The following HIKESHI variants were observed in gnomAD, a reference collection of about 807,000 sequenced individuals.
HIKESHI encodes the protein heat shock protein nuclear import factor hikeshi.
Under a neutral mutation model 25.7 loss-of-function variants are expected in HIKESHI, and 13 were observed. That is an observed-to-expected ratio of 0.51 (90% CI 0.33 to 0.80). The LOEUF is 0.80. Among genes scored for constraint, HIKESHI ranks in the 30% least tolerant of loss-of-function variants. HIKESHI has a pLI of 0.02. For synonymous variants in HIKESHI, 76 were observed against 78.7 expected, an observed-to-expected ratio of 0.97 and a Z score of 0.18; for missense variants, 174 against 229.5, an observed-to-expected ratio of 0.76 and a Z score of 1.56.
intron 2 of HIKESHI, among the ~76,000 whole-genome samples, chr11:86,322,129 G>C (rs950472679): frequency 2.0e-5 from 3 of 151,950 alleles, no homozygotes; most frequent in Non-Finnish European, 4.4e-5. Context: ...TGGGATTACA[G>C]GTGAGCACCG....
At chr11:86,318,042 C>T (rs1441138211) in intron 2 of HIKESHI, among the ~76,000 whole-genome samples, 3 of 151,824 alleles carry the variant, frequency 2.0e-5, no homozygotes, top group Non-Finnish European at 4.4e-5. Context: ...CAGTGGCTCA[C>T]GCCTGTAATC....
chr11:86,334,015 T>G (rs1170797568), intron 2 of HIKESHI, among the ~76,000 whole-genome samples: 1 of 152,296 alleles, frequency 6.6e-6, no homozygotes, highest in East Asian at 1.9e-4. Context: ...CTTATGAAAT[T>G]TATAAAATGG....
chr11:86,315,250 C>T (rs1946942700), intron 2 of HIKESHI, among the ~76,000 whole-genome samples: 1 of 151,928 alleles, frequency 6.6e-6, no homozygotes, highest in Non-Finnish European at 1.5e-5. Flanking sequence ...GTTTAGCAGA[C>T]TTATCAAGAG....
chr11:86,341,118 C>T (rs1196457219), intron 3 of HIKESHI, among the ~76,000 whole-genome samples: 1 of 152,118 alleles, frequency 6.6e-6, no homozygotes, highest in Non-Finnish European at 1.5e-5. Context: ...GTTAGTTTTT[C>T]TGTTATAGAT....
chr11:86,305,190 G>T (rs115896242), intron 1 of HIKESHI, among the ~76,000 whole-genome samples: 8 of 151,208 alleles, frequency 5.3e-5, no homozygotes, highest in African/African-American at 1.9e-4. Context: ...TGTAGAGATC[G>T]GATTTTGCCA....
rs1198011679 is a variant in HIKESHI, at chr11:86,345,692, A to T, written c.*54A>T. 16 of 1,131,048 alleles carry T rather than the reference A, an allele frequency of 1.4e-5. No individual in the cohort carries two copies. The highest frequency in any genetic ancestry group is 1.9e-5 in the Non-Finnish European group (15 of 775,482). The allele number at this position is 1,131,048 out of a possible 1,614,324, so 70.1% of individuals were successfully genotyped here. On this transcript the variant is annotated 3_prime_UTR_variant, in exon 5 of 5. Coordinates refer to ENST00000278483, the MANE Select transcript of HIKESHI (RefSeq NM_016401.4). ...TGAAATTTGTCATGTTTTGAAGATA[A>T]CTGACTCCATCTAAAAGTATGAGGT...
At chr11:86,330,539 G>A (rs540667853) in intron 2 of HIKESHI, among the ~76,000 whole-genome samples, 1 of 152,232 alleles carries the variant, frequency 6.6e-6, no homozygotes, top group East Asian at 1.9e-4. Context: ...ATAACAAGAA[G>A]CAAAAATATC....
chr11:86,328,932 GCACA>G (rs374398046), intron 2 of HIKESHI, among the ~76,000 whole-genome samples: 1 of 135,338 alleles, frequency 7.4e-6, no homozygotes, highest in African/African-American at 2.7e-5. Flanking sequence ...GTGTGTGCGC[GCACA>G]CACACACACA....
rs1305422427 is a variant in HIKESHI at position 86,306,234 on chromosome 11, T to G, written c.31-11T>G. ...GAACCATTGAACTGAGACAAGTTTC[T>G]TATTTTCTAGGTGCAAACAGCTGCA... On this transcript the variant is annotated splice_polypyrimidine_tract_variant and intron_variant, in intron 1 of 4. Transcript: ENST00000278483. 3 of 1,595,054 alleles carry G rather than the reference T, an allele frequency of 1.9e-6. No individual in the cohort carries two copies. The highest frequency in any genetic ancestry group is 1.7e-6 in the Non-Finnish European group (2 of 1,164,880).
intron 2 of HIKESHI, among the ~76,000 whole-genome samples, chr11:86,308,797 C>A (rs1946754996): frequency 1.3e-5 from 2 of 152,084 alleles, no homozygotes; most frequent in African/African-American, 4.8e-5. Context: ...TCAATTCCCA[C>A]CTATGAGTGA....
chr11:86,303,655 C>T (rs1946552189), intron 1 of HIKESHI: 1 of 152,294 alleles, frequency 6.6e-6, no homozygotes, highest in Admixed American at 6.6e-5. Context: ...GTAATACCTG[C>T]CTCTATATAT....
chr11:86,326,807 G>C (rs7925989), intron 2 of HIKESHI: 15,278 of 269,840 alleles, frequency 0.057, 591 homozygotes, highest in Middle Eastern at 0.12. Flanking sequence ...TGGCATGATA[G>C]GTTCCTGTTT....
intron 1 of HIKESHI, among the ~76,000 whole-genome samples, chr11:86,303,717 G>A (rs933462255): frequency 1.3e-5 from 2 of 152,068 alleles, no homozygotes; most frequent in African/African-American, 4.8e-5. Flanking sequence ...TCAAAGTGAA[G>A]GACAAATAGA....
At chr11:86,311,657 G>A (rs1350957192) in intron 2 of HIKESHI, among the ~76,000 whole-genome samples, 6 of 152,164 alleles carry the variant, frequency 3.9e-5, no homozygotes, top group East Asian at 3.9e-4. Flanking sequence ...ACGTTAGGGT[G>A]TCAATTGTAG....
intron 2 of HIKESHI, among the ~76,000 whole-genome samples, chr11:86,315,706 T>G (rs1243357539): frequency 4.6e-5 from 7 of 152,220 alleles, no homozygotes; most frequent in African/African-American, 1.7e-4. Flanking sequence ...AAAGAACTAC[T>G]TACCGGAGGT....
chr11:86,342,540 A>G (rs1947761933), intron 3 of HIKESHI, among the ~76,000 whole-genome samples: 1 of 148,488 alleles, frequency 6.7e-6, no homozygotes, highest in African/African-American at 2.5e-5. Flanking sequence ...GGGTCTCGCT[A>G]TGTTGCCCAG....
At chr11:86,310,399 T>G (rs1946803188) in intron 2 of HIKESHI, among the ~76,000 whole-genome samples, 1 of 152,184 alleles carries the variant, frequency 6.6e-6, no homozygotes, top group African/African-American at 2.4e-5. Context: ...ATGCTTGTGG[T>G]TTTTGCACAT....
rs182850638 is a variant in HIKESHI at position 86,325,858 on chromosome 11, C to T, written c.269-11521C>T. Reference sequence around the variant, plus strand: ...CTGCACTCCAGCCTGGGCAACAGACCGAGACTCCGTCTCAGAAAAAAAAAA... The same window carrying T: ...CTGCACTCCAGCCTGGGCAACAGACTGAGACTCCGTCTCAGAAAAAAAAAA... On this transcript the variant is annotated intron_variant, in intron 2 of 4. Coordinates refer to ENST00000278483, the MANE Select transcript of HIKESHI (RefSeq NM_016401.4). Among the ~76,000 whole-genome samples the T allele has an allele frequency of 2.0e-3, 270 of 137,864 alleles. 1 individual carries two copies. Among genetic ancestry groups the T allele is most frequent in the African/African-American group, 7.4e-3 (265 of 35,752 alleles). 90.4% of individuals were successfully genotyped at this position (137,864 alleles called of 152,430 possible).
At chr11:86,320,419 C>T (rs1947117450) in intron 2 of HIKESHI, among the ~76,000 whole-genome samples, 1 of 151,968 alleles carries the variant, frequency 6.6e-6, no homozygotes, top group Admixed American at 6.6e-5. Context: ...CTACTAAAAA[C>T]ACAAAAATTA....
Sources: allele counts gnomAD v4.1 joint callset (sites outside exome capture counted in the v4.1 genomes callset), GRCh38; gene constraint gnomAD v4.1.1; transcripts MANE v1.5; gene names NCBI Gene and HGNC (gene_info 2026-07-23, HGNC 2026-07-21).